Variants in ARID1B observed in about 807,000 individuals in gnomAD.
ARID1B encodes AT-rich interaction domain 1B.
Under a neutral mutation model 212.3 loss-of-function variants are expected in ARID1B, and 30 were observed. That is an observed-to-expected ratio of 0.14 (90% CI 0.11 to 0.19). The LOEUF is 0.19. Ranked by LOEUF, ARID1B falls within the 10% of genes least tolerant of loss-of-function variation. The pLI is 1.00. For synonymous variants in ARID1B, 1,402 were observed against 1,301.7 expected, an observed-to-expected ratio of 1.08 and a Z score of -1.66; for missense variants, 2,891 against 3,204.0, an observed-to-expected ratio of 0.90 and a Z score of 2.36.
intron 9 of ARID1B, 192 bp from the exon 10 acceptor site, chr6:157,173,816 A>G: frequency 2.0e-6 from 1 of 496,044 alleles, no homozygotes; most frequent in Non-Finnish European, 3.5e-6. Context: ...TAGATAAAAA[A>G]GGATTTTGCC....
intron 2 of ARID1B, among the ~76,000 whole-genome samples, chr6:156,898,232 A>G (rs942610198): frequency 3.9e-5 from 6 of 152,252 alleles, no homozygotes; most frequent in Non-Finnish European, 7.4e-5. Flanking sequence ...GTTATCCTGC[A>G]TATGGTTAAG....
At chr6:156,946,606 G>T (rs1456862079) in intron 4 of ARID1B, among the ~76,000 whole-genome samples, 2 of 151,902 alleles carry the variant, frequency 1.3e-5, no homozygotes, top group Non-Finnish European at 2.9e-5. Flanking sequence ...CATGACCCTG[G>T]AGCAGGGACA....
At chr6:157,122,863 G>T (rs1461114882) in intron 6 of ARID1B, among the ~76,000 whole-genome samples, 2 of 152,042 alleles carry the variant, frequency 1.3e-5, no homozygotes, top group Non-Finnish European at 2.9e-5. Context: ...GGTATTTTTA[G>T]TAGAGACCGG....
At chr6:156,830,776 TAA>T (rs1783091313) in intron 2 of ARID1B, among the ~76,000 whole-genome samples, 1 of 152,092 alleles carries the variant, frequency 6.6e-6, no homozygotes, top group African/African-American at 2.4e-5. Context: ...AGAAATAAAA[TAA>T]GTCTTTTATT....
intron 4 of ARID1B, among the ~76,000 whole-genome samples, chr6:156,995,103 A>G (rs868367476): frequency 1.3e-4 from 20 of 152,210 alleles, no homozygotes; most frequent in African/African-American, 4.8e-4. Context: ...GTCTCTGAAG[A>G]GGGCCCTACT....
chr6:157,077,030 C>G (rs550383284), intron 4 of ARID1B, among the ~76,000 whole-genome samples: 32 of 152,282 alleles, frequency 2.1e-4, no homozygotes, highest in Admixed American at 1.8e-3. Context: ...AGGCATATAT[C>G]TTTCAACTCA....
At chr6:157,140,844 C>T (rs2128608906) in intron 7 of ARID1B, 1 of 394,400 alleles carries the variant, frequency 2.5e-6, no homozygotes, top group Non-Finnish European at 4.5e-6. Context: ...TGGCTCCCTT[C>T]CCCTCAGCAC....
intron 4 of ARID1B, chr6:156,940,572 G>A (rs1792593988): frequency 5.3e-5 from 8 of 152,218 alleles, no homozygotes. Flanking sequence ...TTATTACCAA[G>A]AATATTCTTG....
intron 4 of ARID1B, among the ~76,000 whole-genome samples, chr6:157,006,135 AACAG>A (rs920090860): frequency 3.9e-5 from 6 of 152,182 alleles, no homozygotes; most frequent in African/African-American, 1.2e-4. Context: ...CTGTTAGGGA[AACAG>A]ACAGCACATA....
At chr6:156,845,287 T>C (rs1171069702) in intron 2 of ARID1B, among the ~76,000 whole-genome samples, 1 of 152,230 alleles carries the variant, frequency 6.6e-6, no homozygotes, top group Non-Finnish European at 1.5e-5. Context: ...CTGTACTTTA[T>C]TACCCTCCTG....
At chr6:156,798,939 A>G (rs1049151134) in intron 1 of ARID1B, among the ~76,000 whole-genome samples, 2 of 152,188 alleles carry the variant, frequency 1.3e-5, no homozygotes, top group Non-Finnish European at 2.9e-5. Context: ...CAGTTGTGAA[A>G]TAGTTTTCTC....
At chr6:156,794,256 T>C (rs1780199983) in intron 1 of ARID1B, among the ~76,000 whole-genome samples, 2 of 152,178 alleles carry the variant, frequency 1.3e-5, no homozygotes, top group African/African-American at 4.8e-5. Context: ...TTTTTTTTCT[T>C]TTCTTTTTTT....
intron 1 of ARID1B, among the ~76,000 whole-genome samples, chr6:156,797,068 C>G (rs567670922): frequency 6.6e-6 from 1 of 152,210 alleles, no homozygotes; most frequent in African/African-American, 2.4e-5. Flanking sequence ...TGCCAGATAC[C>G]ATGCCCCTTT....
intron 4 of ARID1B, among the ~76,000 whole-genome samples, chr6:157,046,181 T>A (rs1279480748): frequency 6.6e-6 from 1 of 152,218 alleles, no homozygotes; most frequent in Non-Finnish European, 1.5e-5. Context: ...GGTTTAATTA[T>A]CTTTTGAAGG....
chr6:156,890,388 T>G (rs928582664), intron 2 of ARID1B, among the ~76,000 whole-genome samples: 12 of 152,228 alleles, frequency 7.9e-5, no homozygotes, highest in Middle Eastern at 3.2e-3. Context: ...CGAAAAAGAC[T>G]TGTTACTGAT....
intron 3 of ARID1B, among the ~76,000 whole-genome samples, chr6:156,919,810 C>T (rs1007851983): frequency 6.6e-6 from 1 of 152,126 alleles, no homozygotes; most frequent in Admixed American, 6.5e-5. Context: ...CAGCCTGGGT[C>T]ACAGAGTGAG....
chr6:156,852,748 C>G (rs1583162410), intron 2 of ARID1B, among the ~76,000 whole-genome samples: 1 of 152,336 alleles, frequency 6.6e-6, no homozygotes, highest in Middle Eastern at 3.4e-3. Flanking sequence ...CCTGTGAACT[C>G]TATGCTATTT....
intron 3 of ARID1B, among the ~76,000 whole-genome samples, chr6:156,921,441 A>C: frequency 2.3e-3 from 1 of 436 alleles, no homozygotes; most frequent in Non-Finnish European, 0.011. Flanking sequence ...ATGGGAAAAC[A>C]CACACACACA....
In ARID1B at chr6:157,094,965, C is replaced by T. The variant is rs752480973; in HGVS notation, c.2491+10060C>T. ...AATCGAGAGTTTGGTTTTAAACATA[C>T]TGTATTTGAGGTTCCTACTGGGCAT... On this transcript the variant is annotated intron_variant, in intron 5 of 19. Coordinates refer to ENST00000636930, the MANE Select transcript of ARID1B (RefSeq NM_001374828.1). The surrounding 1 kb of genome is among the most constrained non-coding windows in gnomAD (Gnocchi z 4.3). Among the ~76,000 whole-genome samples, 21 of 152,080 alleles carry T rather than the reference C, an allele frequency of 1.4e-4. No homozygotes were observed. Among genetic ancestry groups the T allele is most frequent in the Non-Finnish European group, 2.6e-4 (18 of 68,018 alleles).
Sources: allele counts gnomAD v4.1 joint callset (sites outside exome capture counted in the v4.1 genomes callset), GRCh38; gene constraint gnomAD v4.1.1; non-coding constraint Gnocchi (gnomAD v3.1); transcripts MANE v1.5; gene names NCBI Gene and HGNC (gene_info 2026-07-23, HGNC 2026-07-21).